The following ROBO1 variants were observed in gnomAD, a reference collection of about 807,000 sequenced individuals.
ROBO1 encodes the protein roundabout homolog 1.
Under a neutral mutation model 195.9 loss-of-function variants are expected in ROBO1, and 149 were observed. That is an observed-to-expected ratio of 0.76 (90% CI 0.67 to 0.87). The LOEUF is 0.87. Among genes scored for constraint, ROBO1 ranks in the 40% least tolerant of loss-of-function variants. The pLI is 0.00. For missense variants in ROBO1, 1,933 were observed against 2,068.3 expected (o/e 0.93, Z 1.27); for synonymous variants, 816 against 733.2 (o/e 1.11, Z -1.82).
intron 2 of ROBO1, among the ~76,000 whole-genome samples, chr3:79,542,940 T>C (rs1449672104): frequency 4.6e-5 from 7 of 152,094 alleles, no homozygotes; most frequent in African/African-American, 1.7e-4. Context: ...TAATGGAATT[T>C]CACAAGAATA....
chr3:78,922,397 T>C (rs2107603851), intron 4 of ROBO1, among the ~76,000 whole-genome samples: 1 of 152,120 alleles, frequency 6.6e-6, no homozygotes, highest in Non-Finnish European at 1.5e-5. Flanking sequence ...ATCATCAGGC[T>C]AAAAGGCTAG....
rs1940524578 is a variant in ROBO1, at chr3:79,508,388, G to A, written c.88+81436C>T. Among the ~76,000 whole-genome samples the A allele has an allele frequency of 2.0e-5, 3 of 152,138 alleles. No homozygotes were observed. The South Asian group carries it at 6.2e-4, about 31-fold the overall frequency. ...GAGAAGAAACCAATCCTGCCTAAAC[G>A]TTGATCTCAAACTTCTAGCCTCGAA... On this transcript the variant is annotated intron_variant, in intron 2 of 30. Coordinates refer to ENST00000464233, the MANE Select transcript of ROBO1 (RefSeq NM_002941.4).
intron 1 of ROBO1, among the ~76,000 whole-genome samples, chr3:79,634,215 A>C (rs1436353225): frequency 2.0e-5 from 3 of 152,194 alleles, no homozygotes; most frequent in Non-Finnish European, 4.4e-5. Context: ...GCAAAGCTTC[A>C]GTGAATGCAC....
chr3:78,612,476 A>G (rs1703876555), intron 28 of ROBO1, among the ~76,000 whole-genome samples: 1 of 152,180 alleles, frequency 6.6e-6, no homozygotes, highest in East Asian at 1.9e-4. Context: ...TTGGGAAAAT[A>G]ATTTCCGAAA....
At chr3:79,666,069 C>A (rs1035309209) in intron 1 of ROBO1, among the ~76,000 whole-genome samples, 4 of 151,800 alleles carry the variant, frequency 2.6e-5, no homozygotes, top group Admixed American at 6.6e-5. Flanking sequence ...GAAAATGTGG[C>A]ATGTTTTTGA....
chr3:79,245,150 A>G (rs1233170614), intron 2 of ROBO1, among the ~76,000 whole-genome samples: 2 of 152,112 alleles, frequency 1.3e-5, no homozygotes, highest in Non-Finnish European at 2.9e-5. Flanking sequence ...CATTGCTTCT[A>G]AAAGATCACA....
In ROBO1 at chr3:78,597,405, A is replaced by G. The variant is rs574540806; in HGVS notation, c.*1508T>C. ...TTAGTACTGCACGCCTTTTCTATGG[A>G]ACTTTTTCAAATTATCTAAATGAAC... On this transcript the variant is annotated 3_prime_UTR_variant, in exon 31 of 31. Coordinates refer to ENST00000464233, the MANE Select transcript of ROBO1 (RefSeq NM_002941.4). 3 of 152,682 alleles carry G rather than the reference A, an allele frequency of 2.0e-5. No individual in the cohort carries two copies. The highest frequency in any genetic ancestry group is 7.2e-5 in the African/African-American group (3 of 41,558). 9.5% of individuals were successfully genotyped at this position (152,682 alleles called of 1,614,324 possible). A position where few individuals can be genotyped will look rare whatever the true frequency, so the allele number is the denominator to read the frequency against.
intron 2 of ROBO1, among the ~76,000 whole-genome samples, chr3:79,491,252 C>A (rs376933730): frequency 5.5e-5 from 8 of 146,542 alleles, no homozygotes; most frequent in African/African-American, 2.0e-4. Context: ...TTTTTAACTT[C>A]TTGCCTATAC....
chr3:78,757,403 A>T (rs1576100696), intron 4 of ROBO1, among the ~76,000 whole-genome samples: 1 of 150,468 alleles, frequency 6.6e-6, no homozygotes, highest in East Asian at 2.0e-4. Flanking sequence ...TAATTTAAAT[A>T]TTTTCTGGGA....
chr3:78,845,938 C>T (rs1398987677), intron 4 of ROBO1, among the ~76,000 whole-genome samples: 1 of 152,060 alleles, frequency 6.6e-6, no homozygotes, highest in South Asian at 2.1e-4. Flanking sequence ...GGTAGTGTTC[C>T]CTACTTCGCT....
intron 2 of ROBO1, among the ~76,000 whole-genome samples, chr3:79,206,625 T>C (rs2081873364): frequency 6.6e-6 from 1 of 152,144 alleles, no homozygotes; most frequent in African/African-American, 2.4e-5. Context: ...ATTCAGATGG[T>C]GTTCCCTGTT....
intron 2 of ROBO1, among the ~76,000 whole-genome samples, chr3:79,336,874 G>T (rs571219828): frequency 6.6e-6 from 1 of 152,320 alleles, no homozygotes; most frequent in Non-Finnish European, 1.5e-5. Flanking sequence ...CCCACCTCTT[G>T]CATCAGTATG....
chr3:79,567,635 G>T (rs923001245), intron 2 of ROBO1, among the ~76,000 whole-genome samples: 9 of 151,974 alleles, frequency 5.9e-5, no homozygotes, highest in African/African-American at 1.9e-4. Context: ...TAATTTAGAA[G>T]CTTTGACTAT....
chr3:79,479,938 T>C (rs1938749227), intron 2 of ROBO1, among the ~76,000 whole-genome samples: 1 of 152,208 alleles, frequency 6.6e-6, no homozygotes, highest in African/African-American at 2.4e-5. Flanking sequence ...ATTCCCTAGT[T>C]TTCCTTTTAA....
chr3:79,125,380 T>C (rs1241196287), intron 3 of ROBO1, 76 bp downstream of exon 3: 1 of 1,184,182 alleles, frequency 8.4e-7, no homozygotes. Context: ...CGATTAATTT[T>C]ATACAGGTGG....
intron 1 of ROBO1, among the ~76,000 whole-genome samples, chr3:79,661,013 A>C (rs768921692): frequency 6.6e-6 from 1 of 152,072 alleles, no homozygotes; most frequent in Non-Finnish European, 1.5e-5. Flanking sequence ...AGAAATCCTA[A>C]AGGGCCTGAT....
rs539650361 is a variant in ROBO1 at position 78,863,878 on chromosome 3, G to T, written c.499+74723C>A. On this transcript the variant is annotated intron_variant, in intron 4 of 30. Coordinates refer to ENST00000464233, the MANE Select transcript of ROBO1 (RefSeq NM_002941.4). Reference sequence around the variant, plus strand: ...GCTAGATTGACATATGTCTCATCTGGGATAGTATGGAAGAATTCATGGCAC... The same window carrying T: ...GCTAGATTGACATATGTCTCATCTGTGATAGTATGGAAGAATTCATGGCAC... 5.9e-5 allele frequency among the ~76,000 whole-genome samples: 9 copies of T among 152,192 alleles called. No homozygotes were observed. The South Asian group carries it at 1.5e-3, about 25-fold the overall frequency.
chr3:79,310,756 C>T (rs766042282), intron 2 of ROBO1, among the ~76,000 whole-genome samples: 2 of 151,494 alleles, frequency 1.3e-5, no homozygotes, highest in Non-Finnish European at 2.9e-5. Context: ...AATAATTTTA[C>T]ATTTAAAATG....
rs1389728020 is a variant in ROBO1 at position 79,413,097 on chromosome 3, T to C, written c.88+176727A>G. On this transcript the variant is annotated intron_variant, in intron 2 of 30. Transcript: ENST00000464233. ...ACATTATAGAACAATAATATATATA[T>C]ATTTCTTTTAACAAGCACATAAAGT... Among the ~76,000 whole-genome samples, 6 of 151,662 alleles carry C rather than the reference T, an allele frequency of 4.0e-5. No homozygotes were observed. In the East Asian group the frequency reaches 1.2e-3, roughly 29 times the overall value.
Sources: allele counts gnomAD v4.1 joint callset (sites outside exome capture counted in the v4.1 genomes callset), GRCh38; gene constraint gnomAD v4.1.1; transcripts MANE v1.5; gene names NCBI Gene and HGNC (gene_info 2026-07-23, HGNC 2026-07-21).